The following RORA variants were observed in gnomAD, a reference collection of about 807,000 sequenced individuals.
RORA encodes the protein RAR related orphan receptor A.
Under a neutral mutation model 69.5 loss-of-function variants are expected in RORA, and 7 were observed. The observed-to-expected ratio is 0.10, with a 90% CI of 0.06 to 0.19. The LOEUF (loss-of-function observed/expected upper bound fraction) is 0.19, where lower values mean the gene tolerates loss of function less well. RORA is among the 10% of genes least tolerant of loss of function. The probability of loss-of-function intolerance (pLI) is 1.00; values close to 1 mark genes in which losing one functional copy is unlikely to be tolerated. For synonymous variants in RORA, 261 were observed against 240.8 expected, an observed-to-expected ratio of 1.08 and a Z score of -0.78; for missense variants, 457 against 663.0, an observed-to-expected ratio of 0.69 and a Z score of 3.41.
At chr15:60,990,257 A>G (rs4393515) in intron 1 of RORA, among the ~76,000 whole-genome samples, 43,470 of 152,108 alleles carry the variant, frequency 0.29, 6,399 homozygotes, top group South Asian at 0.4. Context: ...AATTAATAGT[A>G]TAAAAGTGTT....
intron 1 of RORA, among the ~76,000 whole-genome samples, chr15:60,819,020 T>C (rs552380914): frequency 6.6e-6 from 1 of 152,350 alleles, no homozygotes; most frequent in African/African-American, 2.4e-5. Context: ...ATGAATAGAT[T>C]CCAGCAGCCC....
In RORA at chr15:61,183,630, T is replaced by G. The variant is rs151293166; in HGVS notation, c.166+45423A>C. On this transcript the variant is annotated intron_variant, in intron 1 of 10. Transcript: ENST00000335670. ...TTCAAACCCTTGTTAGAATCATTCA[T>G]ATATCACTCTTTCTTTCAAAAGCAG... is the stretch of plus-strand genomic sequence containing the variant. Among the ~76,000 whole-genome samples the G allele has an allele frequency of 2.0e-5, 3 of 152,144 alleles. No individual in the cohort carries two copies. In the East Asian group the frequency reaches 5.8e-4, roughly 29 times the overall value.
rs755681909 is a variant in RORA at position 60,997,842 on chromosome 15, T to G, written c.166+231211A>C. On this transcript the variant is annotated intron_variant, in intron 1 of 10. Coordinates refer to ENST00000335670, the MANE Select transcript of RORA (RefSeq NM_134261.3). ...ATTGGGCAAGTCATCTTTCTTTCTG[T>G]GGCTTTAAGAATTGCCCATGATAAA... Among the ~76,000 whole-genome samples the G allele has an allele frequency of 1.3e-5, 2 of 152,236 alleles. 1 individual carries two copies. Among genetic ancestry groups the G allele is most frequent in the South Asian group, 4.1e-4 (2 of 4,832 alleles).
intron 1 of RORA, among the ~76,000 whole-genome samples, chr15:60,762,542 TAC>T (rs147805564): frequency 2.4e-4 from 36 of 151,246 alleles, no homozygotes; most frequent in African/African-American, 7.0e-4. Context: ...ACACACACAG[TAC>T]ACACACACAC....
intron 1 of RORA, among the ~76,000 whole-genome samples, chr15:61,188,649 TTAAA>T (rs891599576): frequency 9.2e-5 from 14 of 152,002 alleles, no homozygotes; most frequent in African/African-American, 2.9e-4. Context: ...AAATAATAAT[TTAAA>T]TAAATAATTA....
intron 1 of RORA, among the ~76,000 whole-genome samples, chr15:60,917,237 C>A (rs1164086830): frequency 6.6e-6 from 1 of 152,214 alleles, no homozygotes; most frequent in Admixed American, 6.5e-5. Context: ...ATTGATCAGA[C>A]TTCCTTCTCC....
intron 1 of RORA, among the ~76,000 whole-genome samples, chr15:60,821,105 C>G (rs916301192): frequency 1.3e-5 from 2 of 152,172 alleles, no homozygotes; most frequent in East Asian, 3.8e-4. Flanking sequence ...GGGCCTAGGA[C>G]CTTGGCCAAC....
chr15:60,682,344 G>C lies in RORA; in HGVS notation c.167-3658C>G, dbSNP rs1373274738. ...AGTTTCATACTGACTCATGGCCTAG[G>C]ACTCTGGTTTTCAGACCAAGTACTC... On this transcript the variant is annotated intron_variant, in intron 1 of 10. Transcript: ENST00000335670. 6 of 152,164 alleles carry C rather than the reference G, an allele frequency of 3.9e-5. 1 individual carries two copies. Among genetic ancestry groups the C allele is most frequent in the Non-Finnish European group, 7.3e-5 (5 of 68,034 alleles). 9.4% of individuals were successfully genotyped at this position (152,164 alleles called of 1,614,324 possible).
intron 1 of RORA, among the ~76,000 whole-genome samples, chr15:60,785,758 A>G (rs1161643315): frequency 6.6e-6 from 1 of 152,218 alleles, no homozygotes; most frequent in Non-Finnish European, 1.5e-5. Context: ...GTTTCCGATC[A>G]TCGCTTCCTC....
intron 1 of RORA, among the ~76,000 whole-genome samples, chr15:61,000,108 G>C (rs979609518): frequency 6.6e-5 from 10 of 152,124 alleles, no homozygotes; most frequent in Middle Eastern, 3.4e-3. Flanking sequence ...TCGTTTAACA[G>C]ATGTAAAATT....
chr15:61,039,913 C>T (rs973657687), intron 1 of RORA, among the ~76,000 whole-genome samples: 1 of 151,042 alleles, frequency 6.6e-6, no homozygotes, highest in Non-Finnish European at 1.5e-5. Context: ...AACAAAGGAC[C>T]CAGGTAATTC....
At chr15:60,742,989 C>A (rs933508122) in intron 1 of RORA, among the ~76,000 whole-genome samples, 3 of 149,738 alleles carry the variant, frequency 2.0e-5, no homozygotes, top group Non-Finnish European at 3.0e-5. Context: ...TATATGATAT[C>A]CCTATTTATG....
intron 1 of RORA, among the ~76,000 whole-genome samples, chr15:60,769,074 C>T (rs1292658562): frequency 6.6e-6 from 1 of 152,182 alleles, no homozygotes; most frequent in Non-Finnish European, 1.5e-5. Flanking sequence ...CTAGCGACCA[C>T]ATTTTAGAAC....
At chr15:60,504,152 A>C (rs1486796884) in intron 6 of RORA, among the ~76,000 whole-genome samples, 1 of 152,194 alleles carries the variant, frequency 6.6e-6, no homozygotes, top group African/African-American at 2.4e-5. Flanking sequence ...ACACCACTTT[A>C]CTTTGGGGGA....
intron 1 of RORA, among the ~76,000 whole-genome samples, chr15:60,732,594 T>C (rs1442536530): frequency 6.6e-6 from 1 of 152,228 alleles, no homozygotes; most frequent in Non-Finnish European, 1.5e-5. Flanking sequence ...AGAGGGAGGT[T>C]GAGCAAGCCC....
chr15:60,502,248 G>T (rs1595868502), intron 8 of RORA, among the ~76,000 whole-genome samples: 1 of 152,200 alleles, frequency 6.6e-6, no homozygotes, highest in African/African-American at 2.4e-5. Flanking sequence ...CCAAAGTGCT[G>T]CTATTACAGG....
intron 1 of RORA, among the ~76,000 whole-genome samples, chr15:60,788,070 T>A (rs1475101010): frequency 6.6e-6 from 1 of 152,152 alleles, no homozygotes; most frequent in Non-Finnish European, 1.5e-5. Flanking sequence ...CTGAAAAGTA[T>A]CTATCTGGGG....
At chr15:61,053,863 A>ATATATATATATATATAT in intron 1 of RORA, among the ~76,000 whole-genome samples, 37 of 137,080 alleles carry the variant, frequency 2.7e-4, no homozygotes, top group South Asian at 4.9e-4. Context: ...ATATATATAT[A>ATATATATATATATATAT]AACATTCTTC....
intron 1 of RORA, among the ~76,000 whole-genome samples, chr15:60,777,384 T>C (rs1342345810): frequency 2.0e-5 from 3 of 152,220 alleles, no homozygotes; most frequent in African/African-American, 7.2e-5. Context: ...CAGCTTTGCA[T>C]AAATCTGTGT....
Sources: gnomAD v4.1 joint callset for allele counts (sites outside exome capture counted in the v4.1 genomes callset) on GRCh38, gnomAD v4.1.1 for gene constraint, MANE v1.5 for transcripts, NCBI Gene and HGNC (gene_info 2026-07-23, HGNC 2026-07-21) for gene names.